ANO3: variants seen among roughly 807,000 people sequenced by gnomAD.
ANO3 encodes the protein anoctamin 3.
In ANO3, 99 loss-of-function variants were observed where a neutral mutation model predicts 144.8. The observed-to-expected ratio is 0.68, with a 90% confidence interval of 0.58 to 0.81. The LOEUF (loss-of-function observed/expected upper bound fraction) is 0.81. Among genes scored for constraint, ANO3 ranks in the 30% least tolerant of loss-of-function variants. The pLI, the probability that ANO3 is intolerant of heterozygous loss-of-function variation, is 0.00. For synonymous variants in ANO3, 414 were observed against 392.6 expected (o/e 1.05, Z -0.64); for missense variants, 905 against 1,202.2 (o/e 0.75, Z 3.66).
intron 1 of ANO3, among the ~76,000 whole-genome samples, chr11:26,371,598 C>G (rs763000041): frequency 6.6e-6 from 1 of 152,198 alleles, no homozygotes. Flanking sequence ...TGAGGGCAGC[C>G]AGGAGGGGGA....
intron 14 of ANO3, among the ~76,000 whole-genome samples, chr11:26,575,968 C>G (rs1190009521): frequency 6.6e-6 from 1 of 152,186 alleles, no homozygotes; most frequent in African/African-American, 2.4e-5. Context: ...ACAATACTTT[C>G]TTCAGAATGA....
chr11:26,523,753 C>A (rs1862181071), intron 6 of ANO3, among the ~76,000 whole-genome samples: 1 of 152,040 alleles, frequency 6.6e-6, no homozygotes, highest in South Asian at 2.1e-4. Flanking sequence ...CTTTATTTCT[C>A]CAAAAGCATT....
intron 7 of ANO3, among the ~76,000 whole-genome samples, chr11:26,527,988 A>G (rs1455689129): frequency 3.9e-5 from 6 of 152,050 alleles, no homozygotes; most frequent in Admixed American, 3.3e-4. Flanking sequence ...CTTATTTTCA[A>G]TTTTCATAGA....
chr11:26,266,913 C>G (rs1440145483), intron 1 of ANO3, among the ~76,000 whole-genome samples: 1 of 149,994 alleles, frequency 6.7e-6, no homozygotes, highest in African/African-American at 2.5e-5. Flanking sequence ...AACCCCGTCT[C>G]TACTAAAAAT....
chr11:26,581,447 G>A (rs1163014103), intron 14 of ANO3, among the ~76,000 whole-genome samples: 2 of 151,854 alleles, frequency 1.3e-5, no homozygotes, highest in South Asian at 2.1e-4. Flanking sequence ...CTAGCACTTT[G>A]GGAGGCCAAG....
chr11:26,340,027 T>A (rs10834964), intron 1 of ANO3, among the ~76,000 whole-genome samples: 1 of 152,036 alleles, frequency 6.6e-6, no homozygotes, highest in African/African-American at 2.4e-5. Flanking sequence ...GGAGAGAGGT[T>A]CCTTGAGGGT....
At chr11:26,334,650 C>T (rs761290437) in intron 1 of ANO3, among the ~76,000 whole-genome samples, 1 of 152,168 alleles carries the variant, frequency 6.6e-6, no homozygotes, top group Non-Finnish European at 1.5e-5. Context: ...TGTCTCTCTT[C>T]CTCTGTTTAA....
chr11:26,576,622 C>T (rs1850993806), intron 14 of ANO3, among the ~76,000 whole-genome samples: 1 of 152,144 alleles, frequency 6.6e-6, no homozygotes. Flanking sequence ...AAACTGAAAC[C>T]CTTTTTTCCT....
At chr11:26,265,266 T>C (rs1018732982) in intron 1 of ANO3, among the ~76,000 whole-genome samples, 7 of 152,196 alleles carry the variant, frequency 4.6e-5, no homozygotes, top group African/African-American at 1.7e-4. Context: ...TTTTTCTTTG[T>C]CCTTCTTTAG....
At chr11:26,415,050 GTGTGTA>G (rs1322281376) in intron 1 of ANO3, among the ~76,000 whole-genome samples, 11 of 74,278 alleles carry the variant, frequency 1.5e-4, no homozygotes, top group African/African-American at 6.1e-4. Flanking sequence ...AAAGTTATTG[GTGTGTA>G]TGTGTGTGTG....
At chr11:26,346,521 T>A (rs1160162562) in intron 1 of ANO3, among the ~76,000 whole-genome samples, 3 of 152,184 alleles carry the variant, frequency 2.0e-5, no homozygotes, top group Non-Finnish European at 4.4e-5. Flanking sequence ...TTTAGTGACA[T>A]GTAATATACC....
At chr11:26,484,237 G>T (rs1821307005) in intron 4 of ANO3, among the ~76,000 whole-genome samples, 1 of 152,120 alleles carries the variant, frequency 6.6e-6, no homozygotes, top group Non-Finnish European at 1.5e-5. Context: ...TGATTTTCTT[G>T]GGGGGAGTTC....
chr11:26,294,043 T>C (rs1454423895), intron 1 of ANO3, among the ~76,000 whole-genome samples: 1 of 152,088 alleles, frequency 6.6e-6, no homozygotes, highest in Non-Finnish European at 1.5e-5. Flanking sequence ...AGGAAGATGG[T>C]CTGTTTGGAG....
At chr11:26,203,061 G>A (rs748353948) in intron 1 of ANO3, among the ~76,000 whole-genome samples, 81 of 152,082 alleles carry the variant, frequency 5.3e-4, no homozygotes, top group Admixed American at 1.3e-4. Context: ...AAGCAGTTTA[G>A]CCTTTATTCC....
chr11:26,269,399 C>T (rs902791527), intron 1 of ANO3, among the ~76,000 whole-genome samples: 1 of 152,154 alleles, frequency 6.6e-6, no homozygotes, highest in Admixed American at 6.5e-5. Context: ...CTAGCTTCTC[C>T]CCCTCTTACT....
chr11:26,615,415 T>TATATATATATATATATA (rs1491318574), intron 17 of ANO3, among the ~76,000 whole-genome samples: 1 of 55,474 alleles, frequency 1.8e-5, no homozygotes, highest in African/African-American at 7.6e-5. Context: ...TATATATATA[T>TATATATATATATATATA]TTTTTTTTTT....
intron 1 of ANO3, among the ~76,000 whole-genome samples, chr11:26,361,793 G>T (rs867932625): frequency 1.5e-4 from 23 of 152,212 alleles, no homozygotes; most frequent in Admixed American, 2.6e-4. Context: ...CTTTATTTAA[G>T]ATTGTTACCT....
At chr11:26,532,967 C>T (rs1292590566) in intron 8 of ANO3, among the ~76,000 whole-genome samples, 6 of 152,126 alleles carry the variant, frequency 3.9e-5, no homozygotes, top group African/African-American at 1.4e-4. Flanking sequence ...TTAAAAATTA[C>T]TTGTTGAGGG....
At chr11:26,229,058 A>G (rs1852326935) in intron 1 of ANO3, among the ~76,000 whole-genome samples, 1 of 152,114 alleles carries the variant, frequency 6.6e-6, no homozygotes, top group African/African-American at 2.4e-5. Flanking sequence ...GCTACAGCCC[A>G]CAGCAATCTT....
Sources: allele counts gnomAD v4.1 joint callset (sites outside exome capture counted in the v4.1 genomes callset), GRCh38; gene constraint gnomAD v4.1.1; transcripts MANE v1.5; gene names NCBI Gene and HGNC (gene_info 2026-07-23, HGNC 2026-07-21).